Variants in FGD4 observed in about 807,000 individuals in gnomAD.
FGD4 encodes FYVE, RhoGEF and PH domain-containing protein 4.
A neutral mutation model predicts 102.0 loss-of-function variants in FGD4; 42 were observed. That is an observed-to-expected ratio of 0.41 (90% CI 0.32 to 0.53). FGD4 has a LOEUF of 0.53. Ranked by LOEUF, FGD4 falls within the 20% of genes least tolerant of loss-of-function variation. The pLI, the probability that FGD4 is intolerant of heterozygous loss-of-function variation, is 0.21. For synonymous variants in FGD4, 380 were observed against 375.7 expected (o/e 1.01, Z -0.13); for missense variants, 902 against 1,078.2 (o/e 0.84, Z 2.29).
intron 1 of FGD4, among the ~76,000 whole-genome samples, chr12:32,559,686 C>T (rs2136240698): frequency 6.6e-6 from 1 of 152,310 alleles, no homozygotes; most frequent in Middle Eastern, 3.4e-3. Flanking sequence ...GTAAACATGA[C>T]ACTTGCGAAA....
intron 1 of FGD4, among the ~76,000 whole-genome samples, chr12:32,512,515 G>T (rs7305247): frequency 6.6e-6 from 1 of 151,750 alleles, no homozygotes; most frequent in Non-Finnish European, 1.5e-5. Flanking sequence ...TCAGTTTCTG[G>T]TGCTACATCA....
chr12:32,558,635 A>G (rs1413998343), intron 1 of FGD4, among the ~76,000 whole-genome samples: 1 of 152,260 alleles, frequency 6.6e-6, no homozygotes, highest in Non-Finnish European at 1.5e-5. Flanking sequence ...AATAGTAGCC[A>G]AAAGTCACCC....
In FGD4 at chr12:32,626,465, A is replaced by AG. The variant is rs1389898031; in HGVS notation, c.2172+691dup. Among the ~76,000 whole-genome samples the AG allele has an allele frequency of 1.0e-4, 14 of 135,338 alleles. 1 individual carries two copies. Among genetic ancestry groups the AG allele is most frequent in the Non-Finnish European group, 1.9e-4 (12 of 62,168 alleles). The allele number at this position is 135,338 out of a possible 152,430, so 88.8% of individuals were successfully genotyped here. On this transcript the variant is annotated intron_variant, in intron 14 of 16. Coordinates refer to ENST00000534526, the MANE Select transcript of FGD4 (RefSeq NM_001370298.3). ...ATCTCAGAAAAAAAAAAAAAAAAAA[A>AG]GGGGGTTGAGAAAGAGCTAATAATC...
At chr12:32,473,674 C>A (rs965841163) in intron 1 of FGD4, among the ~76,000 whole-genome samples, 1 of 152,196 alleles carries the variant, frequency 6.6e-6, no homozygotes, top group South Asian at 2.1e-4. Context: ...TCATCTCAAA[C>A]TGAAGACCTA....
At chr12:32,627,666 G>T (rs969817345) in intron 14 of FGD4, among the ~76,000 whole-genome samples, 1 of 152,108 alleles carries the variant, frequency 6.6e-6, no homozygotes, top group Non-Finnish European at 1.5e-5. Context: ...AGGGACACTC[G>T]TCAGCTTAAT....
rs141596868 is a variant in FGD4 at position 32,478,376 on chromosome 12, C to T, written c.166+78417C>T. Among the ~76,000 whole-genome samples the T allele has an allele frequency of 1.1e-4, 16 of 152,240 alleles. No individual in the cohort carries two copies. In the East Asian group the frequency reaches 1.9e-3, roughly 18 times the overall value. ...GTCTCCCAGATTAAAGCAATTGTCA[C>T]GCCTCATCGTCCTGAATAGCTGAAA... is the stretch of plus-strand genomic sequence containing the variant. On this transcript the variant is annotated intron_variant, in intron 1 of 16. Coordinates refer to ENST00000534526, the MANE Select transcript of FGD4 (RefSeq NM_001370298.3).
At chr12:32,635,181 G>A (rs1375114218) in intron 15 of FGD4, among the ~76,000 whole-genome samples, 3 of 152,156 alleles carry the variant, frequency 2.0e-5, no homozygotes, top group Non-Finnish European at 2.9e-5. Context: ...GGGTATAGAT[G>A]TTACTCGTAT....
At chr12:32,566,015 CAAAATACCATAAATT>C (rs1945161379) in intron 2 of FGD4, among the ~76,000 whole-genome samples, 2 of 152,132 alleles carry the variant, frequency 1.3e-5, no homozygotes, top group Non-Finnish European at 2.9e-5. Context: ...GCTGCTGTAA[CAAAATACCATAAATT>C]GGGTAGCTTA....
intron 1 of FGD4, among the ~76,000 whole-genome samples, chr12:32,413,292 CA>C (rs911146418): frequency 2.0e-5 from 3 of 151,734 alleles, no homozygotes; most frequent in African/African-American, 7.3e-5. Flanking sequence ...AAAAAATTAC[CA>C]AAAACCTATT....
chr12:32,618,216 A>G (rs1297738527), intron 10 of FGD4, among the ~76,000 whole-genome samples: 4 of 152,186 alleles, frequency 2.6e-5, no homozygotes, highest in Non-Finnish European at 4.4e-5. Context: ...ATGCCATACC[A>G]TTACATTTGT....
At chr12:32,591,725 G>C (rs1461784795) in intron 4 of FGD4, among the ~76,000 whole-genome samples, 3 of 152,180 alleles carry the variant, frequency 2.0e-5, no homozygotes, top group Non-Finnish European at 4.4e-5. Flanking sequence ...CAGAGCTGCA[G>C]GATCTGGTGA....
chr12:32,562,001 G>A (rs1481422227), intron 1 of FGD4, among the ~76,000 whole-genome samples: 1 of 152,156 alleles, frequency 6.6e-6, no homozygotes, highest in Non-Finnish European at 1.5e-5. Flanking sequence ...GAGAGGGTGT[G>A]TGTGTGGACG....
In FGD4 at chr12:32,499,024, G is replaced by C. The variant is rs143384026; in HGVS notation, c.167-65113G>C. On this transcript the variant is annotated intron_variant, in intron 1 of 16. Coordinates refer to ENST00000534526, the MANE Select transcript of FGD4 (RefSeq NM_001370298.3). ...TTGAAAAGTTTGGGAACCTCTGACT[G>C]CCTGGGTAAAACCTCTTACAAAAGG... 9.2e-3 allele frequency among the ~76,000 whole-genome samples: 1,404 copies of C among 152,320 alleles called. 32 individuals are homozygous for C. The highest frequency in any genetic ancestry group is 0.032 in the African/African-American group (1,340 of 41,572).
chr12:32,512,623 G>T (rs16919974), intron 1 of FGD4, among the ~76,000 whole-genome samples: 8,720 of 152,224 alleles, frequency 0.057, 642 homozygotes, highest in African/African-American at 0.15. Flanking sequence ...GAAAGACCCA[G>T]GTGGGTGAGC....
intron 1 of FGD4, among the ~76,000 whole-genome samples, chr12:32,414,277 C>A (rs1383868242): frequency 6.7e-6 from 1 of 150,244 alleles, no homozygotes; most frequent in East Asian, 1.9e-4. Context: ...CAGCCTACTT[C>A]TTTTTTTTTT....
chr12:32,422,288 C>CTTTTTTTTTTTTT lies in FGD4; in HGVS notation c.166+22345_166+22357dup, dbSNP rs770560590. 8.3e-4 allele frequency among the ~76,000 whole-genome samples: 45 copies of CTTTTTTTTTTTTT among 54,174 alleles called. 9 individuals are homozygous for CTTTTTTTTTTTTT. The highest frequency in any genetic ancestry group is 3.1e-3 in the South Asian group (4 of 1,278). 35.5% of individuals were successfully genotyped at this position (54,174 alleles called of 152,430 possible). ...TTGAAGCATCTCAAATTGGGAGCTG[C>CTTTTTTTTTTTTT]TTTTTTTTTTTTTTTTTTTTTTTTT... On this transcript the variant is annotated intron_variant, in intron 1 of 16. Coordinates refer to ENST00000534526, the MANE Select transcript of FGD4 (RefSeq NM_001370298.3).
chr12:32,442,801 A>G (rs570473759), intron 1 of FGD4, among the ~76,000 whole-genome samples: 4 of 152,078 alleles, frequency 2.6e-5, no homozygotes, highest in Admixed American at 1.3e-4. Context: ...CAGGTGATCC[A>G]CCTGCCTAGG....
rs1361946905 is a variant in FGD4, at chr12:32,561,070, GTTTTGTTTTTTTTTTTT to G, written c.167-3062_167-3046del. Among the ~76,000 whole-genome samples the G allele has an allele frequency of 6.6e-5, 6 of 90,790 alleles. 1 individual carries two copies. Among genetic ancestry groups the G allele is most frequent in the African/African-American group, 1.7e-4 (4 of 24,014 alleles). The allele number at this position is 90,790 out of a possible 152,430, so 59.6% of individuals were successfully genotyped here. On this transcript the variant is annotated intron_variant, in intron 1 of 16. Coordinates refer to ENST00000534526, the MANE Select transcript of FGD4 (RefSeq NM_001370298.3). ...AGCAGAAATGTGGTTTCTTTGTTGG[GTTTTGTTTTTTTTTTTT>G]TTTTTTTTTTTTTTGAGATGGAGTT...
At chr12:32,560,082 C>T (rs1400930339) in intron 1 of FGD4, among the ~76,000 whole-genome samples, 1 of 152,142 alleles carries the variant, frequency 6.6e-6, no homozygotes, top group Non-Finnish European at 1.5e-5. Context: ...TTAAGCCATT[C>T]TTAGTATCAC....
Sources: allele counts gnomAD v4.1 joint callset (sites outside exome capture counted in the v4.1 genomes callset), GRCh38; gene constraint gnomAD v4.1.1; transcripts MANE v1.5; gene names NCBI Gene and HGNC (gene_info 2026-07-23, HGNC 2026-07-21).